EML4: variants seen among roughly 807,000 people sequenced by gnomAD.
EML4 encodes EMAP like 4, also known as echinoderm microtubule-associated protein-like 4.
Under a neutral mutation model 129.0 loss-of-function variants are expected in EML4, and 72 were observed. The observed-to-expected ratio is 0.56, with a 90% CI of 0.46 to 0.68. The LOEUF is 0.68. EML4 is among the 30% of genes least tolerant of loss of function. EML4 has a pLI of 0.00. For synonymous variants in EML4, 532 were observed against 405.0 expected (o/e 1.31, Z -3.77); for missense variants, 1,363 against 1,190.6 (o/e 1.14, Z -2.13).
At chr2:42,177,218 A>G (rs1181969755) in intron 1 of EML4, among the ~76,000 whole-genome samples, 2 of 151,088 alleles carry the variant, frequency 1.3e-5, no homozygotes, top group Admixed American at 1.3e-4. Flanking sequence ...AGGGACTAGT[A>G]TATAGTTGAC....
chr2:42,321,575 G>GCAA (rs1669524786), intron 19 of EML4, among the ~76,000 whole-genome samples: 1 of 152,050 alleles, frequency 6.6e-6, no homozygotes, highest in Non-Finnish European at 1.5e-5. Flanking sequence ...AGGGATTAGA[G>GCAA]CAAGTGACAA....
At position 42,169,650 on chromosome 2, in the gene EML4, G is replaced by C; in HGVS notation, c.25+14G>C. ...CCGGCAGTCTCGGTGAGTACGGCTG[G>C]GGAGTCCTGCGTCTTCTGCGAAGGG... On this transcript the variant is annotated intron_variant, in intron 1 of 22. Transcript: ENST00000318522. 6.2e-7 allele frequency: 1 copy of C among 1,601,328 alleles called. No homozygotes were observed.
At chr2:42,277,287 G>A (rs1282145862) in intron 6 of EML4, among the ~76,000 whole-genome samples, 1 of 152,162 alleles carries the variant, frequency 6.6e-6, no homozygotes, top group African/African-American at 2.4e-5. Context: ...ACACTTAAAA[G>A]AGTAAACTAT....
At chr2:42,190,555 T>C (rs1214143643) in intron 1 of EML4, among the ~76,000 whole-genome samples, 1 of 152,198 alleles carries the variant, frequency 6.6e-6, no homozygotes. Flanking sequence ...CAGTGAATGA[T>C]GGGAAATCAG....
chr2:42,304,453 A>T (rs760740049), intron 16 of EML4, 31 bp from the exon 17 acceptor site: 1 of 1,583,890 alleles, frequency 6.3e-7, no homozygotes, highest in South Asian at 1.1e-5. Flanking sequence ...TTTCTCATGT[A>T]CTCCCCAACA....
chr2:42,327,848 A>G (rs570650901), intron 21 of EML4, among the ~76,000 whole-genome samples: 10 of 152,334 alleles, frequency 6.6e-5, no homozygotes, highest in South Asian at 2.1e-4. Context: ...CTCTTTAACA[A>G]TTTATCTCTG....
At chr2:42,266,204 A>G (rs951558963) in intron 6 of EML4, among the ~76,000 whole-genome samples, 4 of 152,200 alleles carry the variant, frequency 2.6e-5, no homozygotes, top group Non-Finnish European at 4.4e-5. Context: ...AGACATTCTA[A>G]ATGAAGTTGA....
intron 1 of EML4, among the ~76,000 whole-genome samples, chr2:42,202,322 C>T (rs1672281494): frequency 6.6e-6 from 1 of 152,032 alleles, no homozygotes; most frequent in African/African-American, 2.4e-5. Context: ...AGAAGGATTG[C>T]TTGTGGCCAG....
intron 1 of EML4, among the ~76,000 whole-genome samples, chr2:42,175,686 A>G (rs1208679761): frequency 6.6e-6 from 1 of 151,860 alleles, no homozygotes; most frequent in Non-Finnish European, 1.5e-5. Context: ...TTTAATAGAG[A>G]AGAGGTTTTG....
intron 11 of EML4, 86 bp from the exon 12 acceptor site, chr2:42,295,039 G>T (rs546973982): frequency 8.1e-7 from 1 of 1,240,394 alleles, no homozygotes; most frequent in Non-Finnish European, 1.1e-6. Context: ...TTGCCCTATC[G>T]TTAATTGTAA....
At chr2:42,216,521 G>A (rs558557950) in intron 1 of EML4, among the ~76,000 whole-genome samples, 4 of 151,832 alleles carry the variant, frequency 2.6e-5, no homozygotes, top group Admixed American at 2.0e-4. Flanking sequence ...GATTACTGGC[G>A]TGAGCCACCA....
chr2:42,303,023 C>T, intron 14 of EML4, 81 bp from the exon 15 acceptor site: 1 of 1,423,760 alleles, frequency 7.0e-7, no homozygotes, highest in Non-Finnish European at 9.7e-7. Context: ...CTCATAATTG[C>T]TTACAGCTAT....
At position 42,263,209 on chromosome 2, in the gene EML4, C is replaced by T. The variant is rs1665841160; in HGVS notation, c.544C>T (p.His182Tyr). The change falls in exon 5 of 23, where the codon CAT becomes TAT. Residue 182 changes from histidine to tyrosine, a missense_variant. Coordinates refer to ENST00000318522, the MANE Select transcript of EML4 (RefSeq NM_019063.5). ...ACGACCATCACCAGCTGAAAAGTCA[C>T]ATAATTCTTGGGAAAATTCAGATGA... ...IKRPSPAEKSHNSWENSDDSR... is the reference protein window; with the variant it reads ...IKRPSPAEKSYNSWENSDDSR... 1 of 1,612,782 alleles carries T rather than the reference C, an allele frequency of 6.2e-7. No individual in the cohort carries two copies. The highest frequency in any genetic ancestry group is 1.1e-5 in the South Asian group (1 of 90,758).
At chr2:42,321,503 C>G (rs2103811038) in intron 19 of EML4, among the ~76,000 whole-genome samples, 1 of 152,252 alleles carries the variant, frequency 6.6e-6, no homozygotes. Flanking sequence ...TATGTTGCTT[C>G]CATCCTCAAC....
At position 42,244,807 on chromosome 2, in the gene EML4, A is replaced by G. The variant is rs570169319; in HGVS notation, c.26-698A>G. Among the ~76,000 whole-genome samples, 5 of 152,184 alleles carry G rather than the reference A, an allele frequency of 3.3e-5. No individual in the cohort carries two copies. The South Asian group carries it at 1.0e-3, about 32-fold the overall frequency. ...ATATGCCTTTTCTGTTTTCATAGAG[A>G]ACTGTGATAATAATGTAATTAAGAA... On this transcript the variant is annotated intron_variant, in intron 1 of 22. Coordinates refer to ENST00000318522, the MANE Select transcript of EML4 (RefSeq NM_019063.5).
At chr2:42,280,248 TTG>T (rs1308467978) in intron 6 of EML4, among the ~76,000 whole-genome samples, 21 of 152,232 alleles carry the variant, frequency 1.4e-4, no homozygotes, top group Non-Finnish European at 2.9e-5. Context: ...CCTGGACTTC[TTG>T]TAGAAATGTG....
At chr2:42,181,057 A>G (rs564491201) in intron 1 of EML4, among the ~76,000 whole-genome samples, 3 of 152,296 alleles carry the variant, frequency 2.0e-5, no homozygotes, top group African/African-American at 7.2e-5. Context: ...GTGGCACACA[A>G]TTTTTATTTA....
At chr2:42,236,850 G>T (rs1348927395) in intron 1 of EML4, among the ~76,000 whole-genome samples, 2 of 152,148 alleles carry the variant, frequency 1.3e-5, no homozygotes, top group Admixed American at 1.3e-4. Flanking sequence ...TTTTTGGCCA[G>T]TCTGGTACGC....
At chr2:42,234,492 G>C (rs544192010) in intron 1 of EML4, among the ~76,000 whole-genome samples, 3 of 151,682 alleles carry the variant, frequency 2.0e-5, no homozygotes, top group Non-Finnish European at 4.4e-5. Context: ...TGTGAGTTCA[G>C]ACCTGTCTCA....
Sources: allele counts gnomAD v4.1 joint callset (sites outside exome capture counted in the v4.1 genomes callset), GRCh38; gene constraint gnomAD v4.1.1; transcripts MANE v1.5; gene names NCBI Gene and HGNC (gene_info 2026-07-23, HGNC 2026-07-21).